TAF1B: variants seen among roughly 807,000 people sequenced by gnomAD.
TAF1B encodes TATA-box binding protein associated factor, RNA polymerase I subunit B.
TAF1B carries 61 observed loss-of-function variants against 83.9 expected under a neutral mutation model. That is an observed-to-expected ratio of 0.73 (90% CI 0.59 to 0.90). The LOEUF is 0.90. Among genes scored for constraint, TAF1B ranks in the 40% least tolerant of loss-of-function variants. TAF1B has a pLI of 0.00. For missense variants in TAF1B, 625 were observed against 677.0 expected (o/e 0.92, Z 0.85); for synonymous variants, 221 against 224.6 (o/e 0.98, Z 0.14).
At chr2:9,888,790 GTTTTTTTT>G (rs56125595) in intron 8 of TAF1B, among the ~76,000 whole-genome samples, 1 of 81,654 alleles carries the variant, frequency 1.2e-5, no homozygotes, top group Non-Finnish European at 2.1e-5. Flanking sequence ...CTTCTGCTTG[GTTTTTTTT>G]TTTTTTTTTT....
chr2:9,849,531 G>A (rs572968442), intron 3 of TAF1B, 71 bp downstream of exon 3: 3 of 1,191,386 alleles, frequency 2.5e-6, no homozygotes, highest in Admixed American at 6.4e-5. Flanking sequence ...TCAGGACATG[G>A]AATGGAATTT....
chr2:9,908,672 A>T (rs1194314658), intron 9 of TAF1B, among the ~76,000 whole-genome samples: 17 of 152,168 alleles, frequency 1.1e-4, no homozygotes, highest in Non-Finnish European at 2.5e-4. Flanking sequence ...ATCTTTTTGC[A>T]TCTGAATGAA....
In TAF1B at chr2:9,851,615, CT is replaced by C; in HGVS notation, c.282del (p.Gly95GlufsTer2). The C allele has an allele frequency of 6.2e-7, 1 of 1,612,112 alleles. No homozygotes were observed. Among genetic ancestry groups the C allele is most frequent in the Non-Finnish European group, 8.5e-7 (1 of 1,179,422 alleles). On this transcript the variant is annotated frameshift_variant, in exon 4 of 15. Coordinates refer to ENST00000263663, the MANE Select transcript of TAF1B (RefSeq NM_005680.3). LOFTEE classifies it high-confidence loss of function. ...TCAACAAGCAGAAGCCTTAAAGAAC[CT>C]TGGAGTAGGCCCAGAGTTAAAGGTA... ...LYQQAEALKN[L>X]GVGPELKNDV...
At chr2:9,882,095 A>G (rs1430002932) in intron 7 of TAF1B, among the ~76,000 whole-genome samples, 1 of 151,138 alleles carries the variant, frequency 6.6e-6, no homozygotes, top group Non-Finnish European at 1.5e-5. Context: ...AGTAGGATAC[A>G]CACTTCTTGA....
At chr2:9,864,774 G>A (rs1449036915) in intron 5 of TAF1B, among the ~76,000 whole-genome samples, 1 of 152,062 alleles carries the variant, frequency 6.6e-6, no homozygotes, top group African/African-American at 2.4e-5. Flanking sequence ...GGGATGCAAG[G>A]CTGGTTCAAC....
chr2:9,919,452 C>A, intron 13 of TAF1B, 146 bp from the exon 14 acceptor site: 1 of 697,094 alleles, frequency 1.4e-6, no homozygotes, highest in Admixed American at 2.7e-5. Flanking sequence ...TTTCATTTTC[C>A]CTTAACGTTA....
intron 14 of TAF1B, among the ~76,000 whole-genome samples, chr2:9,927,603 G>A (rs1382803638): frequency 6.6e-6 from 1 of 152,146 alleles, no homozygotes; most frequent in Non-Finnish European, 1.5e-5. Context: ...GTTTTGATTT[G>A]CATTTCTCTG....
At chr2:9,922,512 A>G (rs1384302688) in intron 14 of TAF1B, among the ~76,000 whole-genome samples, 9 of 152,062 alleles carry the variant, frequency 5.9e-5, no homozygotes, top group Non-Finnish European at 8.8e-5. Context: ...ACTTCCTTGG[A>G]GAGATTTTTC....
rs544238829 is a variant in TAF1B, at chr2:9,923,404, C to T, written c.1565+3584C>T. 8.0e-4 allele frequency among the ~76,000 whole-genome samples: 121 copies of T among 151,894 alleles called. 2 individuals are homozygous for T. Among genetic ancestry groups the T allele is most frequent in the African/African-American group, 2.7e-3 (112 of 41,388 alleles). On this transcript the variant is annotated intron_variant, in intron 14 of 14. Transcript: ENST00000263663. ...TTAAAGAGTGGCACTGTTGGCCGGGCACGGTGGTTCACACCTGTAATCCCA... is the reference window on the plus strand; with the variant it reads ...TTAAAGAGTGGCACTGTTGGCCGGGTACGGTGGTTCACACCTGTAATCCCA...
intron 5 of TAF1B, 100 bp downstream of exon 5, chr2:9,854,521 G>A (rs1663497003): frequency 1.2e-6 from 1 of 801,174 alleles, no homozygotes; most frequent in East Asian, 2.6e-5. Flanking sequence ...AGATTATGAT[G>A]CTTGTCAGAG....
chr2:9,917,476 G>T (rs934336034), intron 12 of TAF1B, among the ~76,000 whole-genome samples: 8 of 151,896 alleles, frequency 5.3e-5, no homozygotes, highest in African/African-American at 1.9e-4. Context: ...TATTTCTTGA[G>T]TATCTACTAG....
In TAF1B at chr2:9,845,204, TC is replaced by T; in HGVS notation, c.19-14del. 6.3e-7 allele frequency: 1 copy of T among 1,599,870 alleles called. No homozygotes were observed. Among genetic ancestry groups the T allele is most frequent in the East Asian group, 2.3e-5 (1 of 44,356 alleles). On this transcript the variant is annotated splice_polypyrimidine_tract_variant and intron_variant, in intron 1 of 14. Transcript: ENST00000263663. ...TGGCTTGATGGGAACACCTTTTCTG[TC>T]CTCTTCTCCCATAGGAAGAGTTTAA...
intron 8 of TAF1B, among the ~76,000 whole-genome samples, chr2:9,900,697 G>C (rs1665155744): frequency 6.6e-6 from 1 of 152,152 alleles, no homozygotes; most frequent in South Asian, 2.1e-4. Context: ...CTTGGAGGTG[G>C]AGTAAACAGT....
At chr2:9,895,713 A>G (rs937755294) in intron 8 of TAF1B, among the ~76,000 whole-genome samples, 1 of 151,694 alleles carries the variant, frequency 6.6e-6, no homozygotes, top group African/African-American at 2.4e-5. Context: ...GAGAGTCTTG[A>G]TAACAGTTTG....
intron 9 of TAF1B, among the ~76,000 whole-genome samples, chr2:9,909,241 A>C (rs1665446080): frequency 6.6e-6 from 1 of 152,254 alleles, no homozygotes; most frequent in African/African-American, 2.4e-5. Context: ...AGTCACCCTC[A>C]AGTTTAAGAG....
At position 9,867,971 on chromosome 2, in the gene TAF1B, T is replaced by C. The variant is rs568147842; in HGVS notation, c.400-305T>C. On this transcript the variant is annotated intron_variant, in intron 5 of 14. Transcript: ENST00000263663. Reference sequence around the variant, plus strand: ...AGCCAGCCAGCATGTGTGGGGTCATTGATGCGCGATGTTTTCAGTGGTGAA... The same window carrying C: ...AGCCAGCCAGCATGTGTGGGGTCATCGATGCGCGATGTTTTCAGTGGTGAA... Among the ~76,000 whole-genome samples, 8 of 152,280 alleles carry C rather than the reference T, an allele frequency of 5.3e-5. No homozygotes were observed. The South Asian group carries it at 1.7e-3, about 32-fold the overall frequency.
chr2:9,919,514 T>C, intron 13 of TAF1B, 84 bp from the exon 14 acceptor site: 1 of 1,212,328 alleles, frequency 8.2e-7, no homozygotes. Flanking sequence ...CCAATATTGG[T>C]ACATTCCTAT....
intron 8 of TAF1B, among the ~76,000 whole-genome samples, chr2:9,897,978 A>AC (rs1572262391): frequency 3.5e-5 from 5 of 144,420 alleles, no homozygotes; most frequent in Non-Finnish European, 6.1e-5. Context: ...ACTTCCCCCA[A>AC]CCCCCCACCC....
chr2:9,880,166 T>C (rs930036992), intron 7 of TAF1B, among the ~76,000 whole-genome samples: 3 of 152,162 alleles, frequency 2.0e-5, no homozygotes, highest in African/African-American at 7.2e-5. Context: ...TCTAATGCAG[T>C]GGTTTTTTTC....
Sources: allele counts gnomAD v4.1 joint callset (sites outside exome capture counted in the v4.1 genomes callset), GRCh38; gene constraint gnomAD v4.1.1; transcripts MANE v1.5; gene names NCBI Gene and HGNC (gene_info 2026-07-23, HGNC 2026-07-21).